KIT: variants seen among roughly 807,000 people sequenced by gnomAD.
KIT encodes mast/stem cell growth factor receptor Kit.
A neutral mutation model predicts 105.7 loss-of-function variants in KIT; 16 were observed. The ratio of observed to expected loss-of-function variants is 0.15; its 90% CI spans 0.10 to 0.23. KIT has a LOEUF of 0.23. Ranked by LOEUF, KIT falls within the 10% of genes least tolerant of loss-of-function variation. KIT has a pLI of 1.00. For synonymous variants in KIT, 438 were observed against 441.1 expected (o/e 0.99, Z 0.09); for missense variants, 858 against 1,213.8 (o/e 0.71, Z 4.36).
Position 54,739,732 on chromosome 4 carries a change from C to T in KIT, c.*1175C>T, listed in dbSNP as rs1723137873. 4.3e-6 allele frequency: 1 copy of T among 233,422 alleles called. No individual in the cohort carries two copies. Among genetic ancestry groups the T allele is most frequent in the East Asian group, 6.0e-5 (1 of 16,586 alleles). 14.5% of individuals were successfully genotyped at this position (233,422 alleles called of 1,614,324 possible). ...TTTTTGCCCTGAGTCCAAGAGGGTC[C>T]TTTAGTACCTGAAAAGTAACTTGGC... On this transcript the variant is annotated 3_prime_UTR_variant, in exon 21 of 21. Coordinates refer to ENST00000288135, the MANE Select transcript of KIT (RefSeq NM_000222.3).
rs192130177 is a variant in KIT, at chr4:54,683,887, G to T, written c.68-11625G>T. ...GCACTAAAATGAATCTCCCAGCTGG[G>T]CAATGTTGAGGAATCTGAGTGGGGA... On this transcript the variant is annotated intron_variant, in intron 1 of 20. Transcript: ENST00000288135. 7.9e-5 allele frequency among the ~76,000 whole-genome samples: 12 copies of T among 152,308 alleles called. No individual in the cohort carries two copies. The East Asian group carries it at 2.3e-3, about 29-fold the overall frequency.
At chr4:54,682,457 CT>C (rs1719009096) in intron 1 of KIT, among the ~76,000 whole-genome samples, 1 of 150,900 alleles carries the variant, frequency 6.6e-6, no homozygotes, top group African/African-American at 2.4e-5. Flanking sequence ...GAGGTGGAGT[CT>C]TGCTCTATTT....
chr4:54,662,094 A>T (rs1166097360), intron 1 of KIT, among the ~76,000 whole-genome samples: 1 of 152,146 alleles, frequency 6.6e-6, no homozygotes, highest in African/African-American at 2.4e-5. Flanking sequence ...TAAGAATTGA[A>T]GGTCATGGCC....
chr4:54,684,479 A>G (rs1467572228), intron 1 of KIT, among the ~76,000 whole-genome samples: 2 of 151,896 alleles, frequency 1.3e-5, no homozygotes, highest in Non-Finnish European at 2.9e-5. Context: ...CCCTCTGGCT[A>G]TCCCTCCCCT....
intron 1 of KIT, among the ~76,000 whole-genome samples, chr4:54,664,805 C>G (rs1171203689): frequency 1.3e-5 from 2 of 151,380 alleles, no homozygotes; most frequent in African/African-American, 4.9e-5. Context: ...AGAGAATAGT[C>G]TCGAACTTAT....
At chr4:54,709,303 T>C in intron 6 of KIT, 121 bp from the exon 7 acceptor site, 1 of 714,606 alleles carries the variant, frequency 1.4e-6, no homozygotes. Context: ...TAATACTTAC[T>C]GAATTAAATG....
At chr4:54,666,405 G>C (rs373892299) in intron 1 of KIT, among the ~76,000 whole-genome samples, 1 of 151,982 alleles carries the variant, frequency 6.6e-6, no homozygotes, top group African/African-American at 2.4e-5. Context: ...TCAGCCTCCC[G>C]AGTAGCTGGG....
chr4:54,733,389 G>T, intron 17 of KIT, 197 bp downstream of exon 17: 1 of 531,624 alleles, frequency 1.9e-6, no homozygotes, highest in Non-Finnish European at 3.4e-6. Flanking sequence ...AATAATAGAA[G>T]TCCTAATTCT....
chr4:54,672,799 C>T (rs980036268), intron 1 of KIT, among the ~76,000 whole-genome samples: 14 of 152,152 alleles, frequency 9.2e-5, no homozygotes, highest in Admixed American at 2.6e-4. Flanking sequence ...CATGGCTTTC[C>T]TGGCATTTTG....
chr4:54,696,830 A>C (rs950204890), intron 2 of KIT, among the ~76,000 whole-genome samples: 1 of 152,254 alleles, frequency 6.6e-6, no homozygotes, highest in Non-Finnish European at 1.5e-5. Context: ...TACCCTGGTA[A>C]GTCACCACTT....
chr4:54,690,773 A>G (rs1719653502), intron 1 of KIT, among the ~76,000 whole-genome samples: 1 of 152,206 alleles, frequency 6.6e-6, no homozygotes, highest in African/African-American at 2.4e-5. Context: ...TACCTTTTTG[A>G]AAGGCGTTCT....
rs754877866 is a variant in KIT, at chr4:54,740,496, C to G, written c.*1939C>G. On this transcript the variant is annotated 3_prime_UTR_variant, in exon 21 of 21. Coordinates refer to ENST00000288135, the MANE Select transcript of KIT (RefSeq NM_000222.3). ...CTTAATGTTTGAAATTATTTTGTGGCTTTTTTTGTAAATATTGAAATGTAG... is the reference window on the plus strand; with the variant it reads ...CTTAATGTTTGAAATTATTTTGTGGGTTTTTTTGTAAATATTGAAATGTAG... The G allele has an allele frequency of 4.3e-6, 1 of 232,972 alleles. No individual in the cohort carries two copies. The highest frequency in any genetic ancestry group is 8.5e-6 in the Non-Finnish European group (1 of 117,692). 14.4% of individuals were successfully genotyped at this position (232,972 alleles called of 1,614,324 possible). A position where few individuals can be genotyped will look rare whatever the true frequency, so the allele number is the denominator to read the frequency against.
intron 15 of KIT, 79 bp from the exon 16 acceptor site, chr4:54,731,792 G>T (rs2109794117): frequency 6.9e-7 from 1 of 1,447,788 alleles, no homozygotes; most frequent in Non-Finnish European, 9.7e-7. Context: ...ACCAGCCTTT[G>T]GTATGTCATT....
At chr4:54,686,821 A>C (rs1719341501) in intron 1 of KIT, among the ~76,000 whole-genome samples, 1 of 152,236 alleles carries the variant, frequency 6.6e-6, no homozygotes, top group Admixed American at 6.5e-5. Context: ...CTAAGATTAC[A>C]GGTGTCAGCC....
At chr4:54,729,201 T>A in intron 13 of KIT, 134 bp from the exon 14 acceptor site, 1 of 870,886 alleles carries the variant, frequency 1.1e-6, no homozygotes, top group South Asian at 1.5e-5. Context: ...TATATGGGAT[T>A]GTATTGGGAC....
intron 7 of KIT, among the ~76,000 whole-genome samples, chr4:54,723,218 A>G (rs1722002077): frequency 6.6e-6 from 1 of 152,084 alleles, no homozygotes; most frequent in Admixed American, 6.6e-5. Context: ...TTGAAATCCC[A>G]TTGGCAGGAA....
At position 54,686,695 on chromosome 4, in the gene KIT, C is replaced by T. The variant is rs553485971; in HGVS notation, c.68-8817C>T. ...GAGTACCTGGGACTACAGGAGCGTG[C>T]CACCACACCCAGCTAATTTTTGTAT... On this transcript the variant is annotated intron_variant, in intron 1 of 20. Coordinates refer to ENST00000288135, the MANE Select transcript of KIT (RefSeq NM_000222.3). 3.3e-5 allele frequency among the ~76,000 whole-genome samples: 5 copies of T among 152,252 alleles called. No individual in the cohort carries two copies. In the South Asian group the frequency reaches 8.3e-4, roughly 25 times the overall value.
At chr4:54,692,985 G>A (rs1172703637) in intron 1 of KIT, among the ~76,000 whole-genome samples, 3 of 152,178 alleles carry the variant, frequency 2.0e-5, no homozygotes, top group African/African-American at 7.2e-5. Context: ...CCACCCTCCT[G>A]TAAAGCACCT....
chr4:54,727,394 AT>A, intron 10 of KIT, 21 bp from the exon 11 acceptor site: 1 of 1,614,112 alleles, frequency 6.2e-7, no homozygotes, highest in Non-Finnish European at 8.5e-7. Flanking sequence ...AAGGTGATCT[AT>A]TTTTCCCTTT....
Sources: allele counts gnomAD v4.1 joint callset (sites outside exome capture counted in the v4.1 genomes callset), GRCh38; gene constraint gnomAD v4.1.1; transcripts MANE v1.5; gene names NCBI Gene and HGNC (gene_info 2026-07-23, HGNC 2026-07-21).